LINGO2: variants seen among roughly 807,000 people sequenced by gnomAD.
The protein encoded by LINGO2 is leucine-rich repeat and immunoglobulin-like domain-containing nogo receptor-interacting protein 2.
In LINGO2, 14 loss-of-function variants were observed where a neutral mutation model predicts 30.6. That is an observed-to-expected ratio of 0.46 (90% CI 0.30 to 0.72). The LOEUF (loss-of-function observed/expected upper bound fraction) is 0.72, where lower values mean the gene tolerates loss of function less well. LINGO2 is among the 30% of genes least tolerant of loss of function. The pLI, the probability that LINGO2 is intolerant of heterozygous loss-of-function variation, is 0.07. For synonymous variants in LINGO2, 317 were observed against 288.5 expected (o/e 1.10, Z -1.00); for missense variants, 729 against 751.7 (o/e 0.97, Z 0.35).
At chr9:28,480,688 C>T (rs1262123589) in intron 1 of LINGO2, among the ~76,000 whole-genome samples, 1 of 152,096 alleles carries the variant, frequency 6.6e-6, no homozygotes, top group African/African-American at 2.4e-5. Context: ...ATTTCAGTCT[C>T]TTTCTTGTGC....
At chr9:28,520,478 G>C (rs1418262290) in intron 1 of LINGO2, among the ~76,000 whole-genome samples, 1 of 151,926 alleles carries the variant, frequency 6.6e-6, no homozygotes, top group Non-Finnish European at 1.5e-5. Context: ...TACTCTATTT[G>C]TCCTTATTGT....
intron 1 of LINGO2, among the ~76,000 whole-genome samples, chr9:28,615,305 C>A (rs183735527): frequency 6.6e-5 from 10 of 152,224 alleles, no homozygotes; most frequent in Non-Finnish European, 1.3e-4. Flanking sequence ...TTAAACGCTG[C>A]ATTTCACATT....
At chr9:27,994,188 T>C (rs189352977) in intron 5 of LINGO2, among the ~76,000 whole-genome samples, 101 of 151,204 alleles carry the variant, frequency 6.7e-4, no homozygotes, top group African/African-American at 2.4e-3. Context: ...AATGACCACA[T>C]CAAAAAAGTA....
chr9:28,844,182 T>G, the LINGO2 span, among the ~76,000 whole-genome samples: 1 of 151,710 alleles, frequency 6.6e-6, no homozygotes, highest in Non-Finnish European at 1.5e-5. Flanking sequence ...GCCAACATGG[T>G]GAAACCCCAT....
At chr9:28,802,296 G>A in the LINGO2 span, among the ~76,000 whole-genome samples, 1 of 151,922 alleles carries the variant, frequency 6.6e-6, no homozygotes, top group South Asian at 2.1e-4. Context: ...AATCTAGACA[G>A]TTCCAACAGT....
chr9:28,984,851 TTTA>T, the LINGO2 span, among the ~76,000 whole-genome samples: 3 of 152,076 alleles, frequency 2.0e-5, no homozygotes. Flanking sequence ...ACTTCAAGTA[TTTA>T]TTATTTTTGT....
chr9:28,019,793 T>C (rs749553596), intron 4 of LINGO2, among the ~76,000 whole-genome samples: 2 of 152,186 alleles, frequency 1.3e-5, no homozygotes, highest in Non-Finnish European at 2.9e-5. Context: ...AAATTCAGGA[T>C]TTAAGCCTCA....
At position 28,226,683 on chromosome 9, in the gene LINGO2, GAAAGAAAGAAAGAA is replaced by G. The variant is rs1342214598; in HGVS notation, c.-87+68511_-87+68524del. On this transcript the variant is annotated intron_variant, in intron 4 of 5. Coordinates refer to ENST00000379992, the Ensembl canonical transcript of LINGO2. ...AGAAAGAAAGAAAGAAAGAAAGAAA[GAAAGAAAGAAAGAA>G]AGAAAGAGAAAGAGAAAGAAAGAAA... is the stretch of plus-strand genomic sequence containing the variant. Among the ~76,000 whole-genome samples the G allele has an allele frequency of 4.6e-3, 435 of 94,306 alleles. 7 individuals carry two copies. Among genetic ancestry groups the G allele is most frequent in the African/African-American group, 0.022 (378 of 17,498 alleles). The allele number at this position is 94,306 out of a possible 152,430, so 61.9% of individuals were successfully genotyped here.
intron 4 of LINGO2, among the ~76,000 whole-genome samples, chr9:28,105,534 A>C (rs1826561323): frequency 2.0e-5 from 3 of 152,168 alleles, no homozygotes; most frequent in Admixed American, 2.0e-4. Flanking sequence ...AAATGTAGGA[A>C]AAAAATAAAA....
At chr9:28,055,017 A>T (rs531257928) in intron 4 of LINGO2, among the ~76,000 whole-genome samples, 1 of 146,792 alleles carries the variant, frequency 6.8e-6, no homozygotes, top group Non-Finnish European at 1.5e-5. Context: ...GATTAAAACA[A>T]AACGCACAAA....
chr9:28,147,798 A>C lies in LINGO2; in HGVS notation c.-86-135393T>G, dbSNP rs1273268808. On this transcript the variant is annotated intron_variant, in intron 4 of 5. Coordinates refer to ENST00000379992, the Ensembl canonical transcript of LINGO2. This position sits in a 1 kb window ranked among gnomAD's most constrained non-coding sequence, Gnocchi z 4.7. ...GAAGGGTCTCACCCTTTGCCCTTTG[A>C]CTCCTCTTGTAGGCACCCTCGCTGG... 6.6e-6 allele frequency among the ~76,000 whole-genome samples: 1 copy of C among 151,228 alleles called. No individual in the cohort carries two copies. The highest frequency in any genetic ancestry group is 1.5e-5 in the Non-Finnish European group (1 of 67,774).
At chr9:27,971,205 A>G (rs966739296) in intron 5 of LINGO2, among the ~76,000 whole-genome samples, 6 of 150,652 alleles carry the variant, frequency 4.0e-5, no homozygotes, top group Admixed American at 4.0e-4. Flanking sequence ...TATTCCCTCT[A>G]TTTTCACTTC....
At chr9:28,761,951 A>G in the LINGO2 span, among the ~76,000 whole-genome samples, 1 of 151,838 alleles carries the variant, frequency 6.6e-6, no homozygotes, top group Non-Finnish European at 1.5e-5. Context: ...CTCTTAGCAC[A>G]CTGCCTACAA....
At chr9:28,034,058 G>A (rs1409462343) in intron 4 of LINGO2, among the ~76,000 whole-genome samples, 1 of 152,124 alleles carries the variant, frequency 6.6e-6, no homozygotes, top group African/African-American at 2.4e-5. Flanking sequence ...GAGGTCTCGG[G>A]CCCTCCTCCC....
chr9:28,087,970 ATCTGT>A (rs1825961954), intron 4 of LINGO2, among the ~76,000 whole-genome samples: 1 of 152,022 alleles, frequency 6.6e-6, no homozygotes, highest in Non-Finnish European at 1.5e-5. Flanking sequence ...AATAATAGGC[ATCTGT>A]TCTGATAACC....
chr9:28,224,341 G>A (rs1382061073), intron 4 of LINGO2, among the ~76,000 whole-genome samples: 1 of 152,214 alleles, frequency 6.6e-6, no homozygotes, highest in Admixed American at 6.5e-5. Context: ...CGGGATTACA[G>A]GCGTGAGCCA....
the LINGO2 span, among the ~76,000 whole-genome samples, chr9:29,139,730 C>G: frequency 2.0e-5 from 3 of 152,050 alleles, no homozygotes; most frequent in Non-Finnish European, 4.4e-5. Flanking sequence ...CATCACAGTA[C>G]TATTGGAAGG....
chr9:28,331,177 T>C (rs947098820), intron 3 of LINGO2, among the ~76,000 whole-genome samples: 3 of 152,110 alleles, frequency 2.0e-5, no homozygotes, highest in Non-Finnish European at 4.4e-5. Context: ...AGAAAACCCA[T>C]ACTTTCTCAA....
intron 4 of LINGO2, among the ~76,000 whole-genome samples, chr9:28,255,086 C>A (rs1002893961): frequency 1.4e-4 from 21 of 152,196 alleles, no homozygotes; most frequent in African/African-American, 4.3e-4. Context: ...TTATTCCTCC[C>A]AATTTTATTT....
Sources: allele counts gnomAD v4.1 joint callset (sites outside exome capture counted in the v4.1 genomes callset), GRCh38; gene constraint gnomAD v4.1.1; non-coding constraint Gnocchi (gnomAD v3.1); transcripts MANE v1.5; gene names NCBI Gene and HGNC (gene_info 2026-07-23, HGNC 2026-07-21).